The following B3GLCT variants were observed in gnomAD, a reference collection of about 807,000 sequenced individuals.
The protein encoded by B3GLCT is beta 3-glucosyltransferase.
In B3GLCT, 65 loss-of-function variants were observed where a neutral mutation model predicts 63.4. The observed-to-expected ratio is 1.03, with a 90% CI of 0.84 to 1.26. B3GLCT has a LOEUF of 1.26. Ranked by LOEUF, B3GLCT falls within the 50% of genes most tolerant of loss-of-function variation. B3GLCT has a pLI of 0.00. For synonymous variants in B3GLCT, 233 were observed against 219.2 expected (o/e 1.06, Z -0.55); for missense variants, 577 against 604.8 (o/e 0.95, Z 0.48).
chr13:31,316,419 A>C (rs1367070251), intron 12 of B3GLCT, among the ~76,000 whole-genome samples: 1 of 106,404 alleles, frequency 9.4e-6, no homozygotes, highest in Non-Finnish European at 2.0e-5. Context: ...ATATATATAT[A>C]TATATATATA....
chr13:31,244,923 C>T (rs1871127483), intron 4 of B3GLCT, among the ~76,000 whole-genome samples: 1 of 151,836 alleles, frequency 6.6e-6, no homozygotes, highest in East Asian at 1.9e-4. Context: ...GAGTACTCAC[C>T]TTTGGAGAGT....
At chr13:31,251,919 A>T (rs769755566) in intron 6 of B3GLCT, among the ~76,000 whole-genome samples, 1 of 152,150 alleles carries the variant, frequency 6.6e-6, no homozygotes, top group South Asian at 2.1e-4. Flanking sequence ...TAGTCGTCAG[A>T]TTCACCAAGG....
intron 1 of B3GLCT, among the ~76,000 whole-genome samples, chr13:31,213,170 C>A (rs1869366160): frequency 6.6e-6 from 1 of 152,140 alleles, no homozygotes; most frequent in Admixed American, 6.6e-5. Context: ...AGCAGGTGGT[C>A]CTTTTGTGAT....
At chr13:31,243,562 C>T (rs1370839229) in intron 4 of B3GLCT, among the ~76,000 whole-genome samples, 1 of 152,008 alleles carries the variant, frequency 6.6e-6, no homozygotes, top group Non-Finnish European at 1.5e-5. Flanking sequence ...GAATAATGAC[C>T]CTTCTCCATT....
At chr13:31,205,521 T>C (rs1023170989) in intron 1 of B3GLCT, among the ~76,000 whole-genome samples, 2 of 152,056 alleles carry the variant, frequency 1.3e-5, no homozygotes, top group African/African-American at 4.8e-5. Flanking sequence ...ATTGCACCAC[T>C]GCACTTCAGC....
Position 31,323,901 on chromosome 13 carries a change from G to T in B3GLCT, c.1329+6G>T, listed in dbSNP as rs200460848. ...ACAGCCCTCTCTTCCATCAGGTGAG[G>T]AAATGGTTTTTATTCTTCCCTCATG... is the stretch of plus-strand genomic sequence containing the variant. On this transcript the variant is annotated splice_donor_region_variant and intron_variant, in intron 14 of 14. Transcript: ENST00000343307. 1.9e-3 allele frequency: 3,034 copies of T among 1,614,090 alleles called. 7 individuals carry two copies. Among genetic ancestry groups the T allele is most frequent in the Non-Finnish European group, 2.1e-3 (2,427 of 1,179,932 alleles).
At chr13:31,326,391 C>T (rs1448511799) in intron 14 of B3GLCT, among the ~76,000 whole-genome samples, 1 of 138,054 alleles carries the variant, frequency 7.2e-6, no homozygotes, top group Non-Finnish European at 1.5e-5. Context: ...TCAAGCGATT[C>T]TCCTGCCTCA....
chr13:31,271,334 C>A (rs1948205752), intron 8 of B3GLCT, among the ~76,000 whole-genome samples: 1 of 152,132 alleles, frequency 6.6e-6, no homozygotes, highest in African/African-American at 2.4e-5. Context: ...TAGTAGTCTC[C>A]CATATGACCA....
intron 4 of B3GLCT, among the ~76,000 whole-genome samples, chr13:31,235,092 G>T (rs1870581419): frequency 6.6e-6 from 1 of 152,068 alleles, no homozygotes; most frequent in Admixed American, 6.5e-5. Context: ...CTGGCTGGGG[G>T]TGGCGTAGGG....
intron 12 of B3GLCT, among the ~76,000 whole-genome samples, chr13:31,313,674 G>T (rs1874840650): frequency 6.6e-6 from 1 of 152,204 alleles, no homozygotes; most frequent in Non-Finnish European, 1.5e-5. Context: ...CTACGCGATA[G>T]GAAAGAAAAA....
intron 1 of B3GLCT, among the ~76,000 whole-genome samples, chr13:31,210,653 T>A (rs1869209890): frequency 1.3e-5 from 2 of 152,260 alleles, no homozygotes; most frequent in Non-Finnish European, 2.9e-5. Context: ...TTTTTATGGA[T>A]AAGAATTCTG....
At chr13:31,272,736 T>C (rs1735226015) in intron 8 of B3GLCT, among the ~76,000 whole-genome samples, 1 of 152,216 alleles carries the variant, frequency 6.6e-6, no homozygotes. Context: ...ACTCCCAACT[T>C]ACATGCACTT....
At chr13:31,233,157 T>C (rs956208168) in intron 4 of B3GLCT, among the ~76,000 whole-genome samples, 1 of 152,242 alleles carries the variant, frequency 6.6e-6, no homozygotes, top group Non-Finnish European at 1.5e-5. Flanking sequence ...AAGTAACTTA[T>C]GTATTTTATT....
At chr13:31,323,010 C>T (rs1025109368) in intron 13 of B3GLCT, among the ~76,000 whole-genome samples, 1 of 152,172 alleles carries the variant, frequency 6.6e-6, no homozygotes, top group Non-Finnish European at 1.5e-5. Flanking sequence ...TTGACAGGAA[C>T]TTTCTTTTTA....
intron 8 of B3GLCT, among the ~76,000 whole-genome samples, chr13:31,269,644 C>T (rs991203383): frequency 1.2e-5 from 1 of 84,410 alleles, no homozygotes; most frequent in African/African-American, 5.6e-5. Context: ...CATGTCCCCG[C>T]CCCCCTAATT....
chr13:31,220,078 A>G (rs1869743757), intron 2 of B3GLCT, among the ~76,000 whole-genome samples: 1 of 152,220 alleles, frequency 6.6e-6, no homozygotes, highest in Non-Finnish European at 1.5e-5. Flanking sequence ...ATTAGAGCCC[A>G]GGGCCGACTG....
chr13:31,312,377 A>G (rs1874759955), intron 12 of B3GLCT: 1 of 152,252 alleles, frequency 6.6e-6, no homozygotes. Context: ...TGTCAAATGA[A>G]GTAAATCAAG....
chr13:31,218,039 A>G (rs1869639849), intron 2 of B3GLCT, among the ~76,000 whole-genome samples: 1 of 152,012 alleles, frequency 6.6e-6, no homozygotes. Flanking sequence ...TTTTAACAAT[A>G]TTTATTCTTC....
At chr13:31,239,102 T>C (rs2137790991) in intron 4 of B3GLCT, among the ~76,000 whole-genome samples, 1 of 152,236 alleles carries the variant, frequency 6.6e-6, no homozygotes, top group Non-Finnish European at 1.5e-5. Flanking sequence ...GGATGCCAAG[T>C]AGGAACTGGA....
Sources: allele counts gnomAD v4.1 joint callset (sites outside exome capture counted in the v4.1 genomes callset), GRCh38; gene constraint gnomAD v4.1.1; transcripts MANE v1.5; gene names NCBI Gene and HGNC (gene_info 2026-07-23, HGNC 2026-07-21).